Variants in KCNH7 observed in about 807,000 individuals in gnomAD.
KCNH7 encodes potassium voltage-gated channel subfamily H member 7.
In KCNH7, 49 loss-of-function variants were observed where a neutral mutation model predicts 120.8. The observed-to-expected ratio is 0.41, with a 90% CI of 0.32 to 0.51. The LOEUF (loss-of-function observed/expected upper bound fraction) is 0.51. KCNH7 is among the 20% of genes least tolerant of loss of function. KCNH7 has a pLI of 0.38. For missense variants in KCNH7, 1,097 were observed against 1,446.6 expected (o/e 0.76, Z 3.92); for synonymous variants, 547 against 516.1 (o/e 1.06, Z -0.81).
chr2:162,653,570 A>T (rs1684641596), intron 2 of KCNH7, among the ~76,000 whole-genome samples: 1 of 152,170 alleles, frequency 6.6e-6, no homozygotes, highest in Admixed American at 6.5e-5. Context: ...AAGATGACAT[A>T]AATCAATAGA....
intron 12 of KCNH7, among the ~76,000 whole-genome samples, chr2:162,390,293 T>C (rs1376801201): frequency 6.7e-6 from 1 of 150,332 alleles, no homozygotes; most frequent in Non-Finnish European, 1.5e-5. Context: ...TTATAATATA[T>C]AAATTATGTA....
At position 162,609,712 on chromosome 2, in the gene KCNH7, G is replaced by C. The variant is rs545010222; in HGVS notation, c.308-72632C>G. On this transcript the variant is annotated intron_variant, in intron 2 of 15. Coordinates refer to ENST00000332142, the MANE Select transcript of KCNH7 (RefSeq NM_033272.4). ...TTTTTGAAGGGAGAGTTGGCAGAAA[G>C]TAGAAGAAAGGGAGGGGAAACTGGG... Among the ~76,000 whole-genome samples the C allele has an allele frequency of 7.2e-5, 11 of 152,212 alleles. No homozygotes were observed. In the South Asian group the frequency reaches 2.3e-3, roughly 32 times the overall value.
chr2:162,829,678 T>C (rs1286717618), intron 2 of KCNH7, among the ~76,000 whole-genome samples: 1 of 152,068 alleles, frequency 6.6e-6, no homozygotes, highest in Non-Finnish European at 1.5e-5. Flanking sequence ...TTTCAGGCTA[T>C]GAAGATGATT....
chr2:162,502,025 T>C (rs1690704052), intron 6 of KCNH7: 1 of 152,196 alleles, frequency 6.6e-6, no homozygotes, highest in South Asian at 2.1e-4. Context: ...CCATGGCACT[T>C]ATGTGAAAAG....
At chr2:162,797,242 GT>G (rs1168465554) in intron 2 of KCNH7, 25 of 152,046 alleles carry the variant, frequency 1.6e-4, no homozygotes, top group African/African-American at 6.0e-4. Context: ...AGCCAACAAT[GT>G]TTGAGCAGTC....
At chr2:162,440,823 C>T (rs1688393737) in intron 7 of KCNH7, among the ~76,000 whole-genome samples, 1 of 152,006 alleles carries the variant, frequency 6.6e-6, no homozygotes, top group Non-Finnish European at 1.5e-5. Flanking sequence ...CTTTGGCTTT[C>T]TGTACAGTAG....
intron 2 of KCNH7, among the ~76,000 whole-genome samples, chr2:162,572,278 C>T (rs74169410): frequency 0.51 from 75,297 of 147,420 alleles, 19,507 homozygotes; most frequent in Middle Eastern, 0.62. Flanking sequence ...TTTATGCAGC[C>T]AAAAAACACA....
chr2:162,567,954 A>G (rs1479200299), intron 2 of KCNH7, among the ~76,000 whole-genome samples: 1 of 152,002 alleles, frequency 6.6e-6, no homozygotes, highest in Admixed American at 6.6e-5. Flanking sequence ...TATGCAGAAG[A>G]TGTATTAGTC....
intron 2 of KCNH7, among the ~76,000 whole-genome samples, chr2:162,643,897 C>T (rs551716707): frequency 2.6e-5 from 4 of 151,116 alleles, no homozygotes; most frequent in Admixed American, 6.6e-5. Flanking sequence ...GTTGTCTGGA[C>T]CTTTAAAAAT....
At chr2:162,832,141 T>G (rs1265310792) in intron 2 of KCNH7, among the ~76,000 whole-genome samples, 3 of 152,118 alleles carry the variant, frequency 2.0e-5, no homozygotes, top group African/African-American at 7.2e-5. Flanking sequence ...AATGTAAAAA[T>G]GTATAAACAG....
At chr2:162,801,103 GA>G (rs989942375) in intron 2 of KCNH7, among the ~76,000 whole-genome samples, 8 of 151,650 alleles carry the variant, frequency 5.3e-5, no homozygotes, top group Non-Finnish European at 1.0e-4. Context: ...TTTAAAAGAA[GA>G]AAAAATTATT....
intron 2 of KCNH7, among the ~76,000 whole-genome samples, chr2:162,680,354 CA>C (rs1281410636): frequency 6.6e-6 from 1 of 151,490 alleles, no homozygotes; most frequent in Non-Finnish European, 1.5e-5. Flanking sequence ...AGTTGCTGGG[CA>C]AGAATGAGTG....
intron 6 of KCNH7, among the ~76,000 whole-genome samples, chr2:162,500,585 ATTC>A (rs1423998594): frequency 3.9e-5 from 6 of 151,970 alleles, no homozygotes; most frequent in African/African-American, 1.4e-4. Flanking sequence ...AGCAGCGATT[ATTC>A]TTTTCATCAA....
rs148228718 is a variant in KCNH7, at chr2:162,677,665, A to G, written c.308-140585T>C. Among the ~76,000 whole-genome samples, 4 of 151,644 alleles carry G rather than the reference A, an allele frequency of 2.6e-5. No individual in the cohort carries two copies. The East Asian group carries it at 5.8e-4, about 22-fold the overall frequency. ...ACTCTTGTAGTTTCTTTTGGCAGACATATTATGCATTTCAGTGGAATTTAC... is the reference window on the plus strand; with the variant it reads ...ACTCTTGTAGTTTCTTTTGGCAGACGTATTATGCATTTCAGTGGAATTTAC... On this transcript the variant is annotated intron_variant, in intron 2 of 15. Coordinates refer to ENST00000332142, the MANE Select transcript of KCNH7 (RefSeq NM_033272.4).
Position 162,568,912 on chromosome 2 carries a change from A to G in KCNH7, c.308-31832T>C, listed in dbSNP as rs539405179. Among the ~76,000 whole-genome samples, 14 of 152,148 alleles carry G rather than the reference A, an allele frequency of 9.2e-5. No individual in the cohort carries two copies. The South Asian group carries it at 2.9e-3, about 32-fold the overall frequency. On this transcript the variant is annotated intron_variant, in intron 2 of 15. Coordinates refer to ENST00000332142, the MANE Select transcript of KCNH7 (RefSeq NM_033272.4). ...GATAAGCCTTTTGATGTGCTGCTGG[A>G]TTCGGTTTGCCAGTATTTTATTGAG... is the stretch of plus-strand genomic sequence containing the variant.
At chr2:162,472,409 C>T (rs1267335927) in intron 6 of KCNH7, among the ~76,000 whole-genome samples, 1 of 152,074 alleles carries the variant, frequency 6.6e-6, no homozygotes, top group Non-Finnish European at 1.5e-5. Flanking sequence ...ACAAACAACC[C>T]CATCAACAAG....
chr2:162,379,765 C>G (rs78358420), intron 14 of KCNH7, 88 bp downstream of exon 14: 13,080 of 1,254,810 alleles, frequency 0.01, 119 homozygotes, highest in Non-Finnish European at 0.012. Flanking sequence ...GAGATCATGG[C>G]AAGGAGAATT....
chr2:162,526,435 G>A (rs1024401361), intron 3 of KCNH7, among the ~76,000 whole-genome samples: 1 of 151,848 alleles, frequency 6.6e-6, no homozygotes, highest in East Asian at 2.0e-4. Context: ...GGAGCGCTAC[G>A]GGAGACTGGG....
At chr2:162,770,887 A>G (rs539425839) in intron 2 of KCNH7, among the ~76,000 whole-genome samples, 42 of 152,214 alleles carry the variant, frequency 2.8e-4, no homozygotes, top group African/African-American at 1.0e-3. Context: ...ATCTTCCTAA[A>G]AAATTTCTCC....
Sources: gnomAD v4.1 joint callset for allele counts (sites outside exome capture counted in the v4.1 genomes callset) on GRCh38, gnomAD v4.1.1 for gene constraint, MANE v1.5 for transcripts, NCBI Gene and HGNC (gene_info 2026-07-23, HGNC 2026-07-21) for gene names.